ROBO1: variants seen among roughly 807,000 people sequenced by gnomAD.
The protein encoded by ROBO1 is roundabout guidance receptor 1.
ROBO1 carries 149 observed loss-of-function variants against 195.9 expected under a neutral mutation model. The ratio of observed to expected loss-of-function variants is 0.76; its 90% CI spans 0.67 to 0.87. The LOEUF (loss-of-function observed/expected upper bound fraction) is 0.87, where lower values mean the gene tolerates loss of function less well. ROBO1 is among the 40% of genes least tolerant of loss of function. The pLI is 0.00. For missense variants in ROBO1, 1,933 were observed against 2,068.3 expected, an observed-to-expected ratio of 0.93 and a Z score of 1.27; for synonymous variants, 816 against 733.2, an observed-to-expected ratio of 1.11 and a Z score of -1.82.
intron 4 of ROBO1, among the ~76,000 whole-genome samples, chr3:78,827,934 A>C (rs2031781040): frequency 6.6e-6 from 1 of 152,198 alleles, no homozygotes; most frequent in Non-Finnish European, 1.5e-5. Flanking sequence ...TGTTTGATCA[A>C]ATATTTGGTT....
At chr3:79,449,514 A>C (rs1477850792) in intron 2 of ROBO1, among the ~76,000 whole-genome samples, 1 of 152,188 alleles carries the variant, frequency 6.6e-6, no homozygotes, top group Non-Finnish European at 1.5e-5. Context: ...GACCCTGTGT[A>C]CATTTTGAAT....
chr3:78,839,543 A>G (rs1347292383), intron 4 of ROBO1, among the ~76,000 whole-genome samples: 1 of 152,076 alleles, frequency 6.6e-6, no homozygotes, highest in Non-Finnish European at 1.5e-5. Flanking sequence ...TTAGGATAAA[A>G]AAGACAAATA....
intron 3 of ROBO1, among the ~76,000 whole-genome samples, chr3:79,047,224 A>G (rs557198715): frequency 1.3e-5 from 2 of 152,160 alleles, no homozygotes; most frequent in African/African-American, 4.8e-5. Flanking sequence ...ACACTATTGC[A>G]GTAAGGTGGA....
chr3:78,642,097 C>T (rs369107713), intron 21 of ROBO1, among the ~76,000 whole-genome samples: 9 of 151,666 alleles, frequency 5.9e-5, no homozygotes, highest in African/African-American at 1.5e-4. Flanking sequence ...CTTATATATT[C>T]GAGCTTAAGA....
intron 3 of ROBO1, among the ~76,000 whole-genome samples, chr3:79,101,228 T>C (rs2079669853): frequency 6.6e-6 from 1 of 151,700 alleles, no homozygotes; most frequent in South Asian, 2.1e-4. Flanking sequence ...CCTAATGATA[T>C]TCATGAGTTA....
intron 1 of ROBO1, among the ~76,000 whole-genome samples, chr3:79,611,424 G>A (rs1393541123): frequency 1.3e-5 from 2 of 151,954 alleles, no homozygotes; most frequent in Admixed American, 6.6e-5. Flanking sequence ...TTTCTTTAAT[G>A]AAAATGGTAT....
At chr3:79,667,467 A>G (rs905893105) in intron 1 of ROBO1, among the ~76,000 whole-genome samples, 2 of 151,840 alleles carry the variant, frequency 1.3e-5, no homozygotes, top group African/African-American at 2.4e-5. Context: ...AATGACCCAT[A>G]CACAGGATTT....
At chr3:79,449,294 A>G (rs1333562612) in intron 2 of ROBO1, among the ~76,000 whole-genome samples, 1 of 151,988 alleles carries the variant, frequency 6.6e-6, no homozygotes, top group Non-Finnish European at 1.5e-5. Flanking sequence ...CCTCAGATAC[A>G]ATAAAATAGC....
In ROBO1 at chr3:78,600,256, C is replaced by A; in HGVS notation, c.4798G>T (p.Asp1600Tyr). The A allele has an allele frequency of 6.2e-7, 1 of 1,613,250 alleles. No individual in the cohort carries two copies. Among genetic ancestry groups the A allele is most frequent in the Non-Finnish European group, 8.5e-7 (1 of 1,179,346 alleles). ...GACATTGAGCTTGAGGAACTGGGATCTCTGGGATTATTTGATGTTGGAAAA... is the reference window on the plus strand; with the variant it reads ...GACATTGAGCTTGAGGAACTGGGATATCTGGGATTATTTGATGTTGGAAAA... Reference protein sequence around the residue: ...PTFPTSNNPRDPSSSSSMSSR... With the variant: ...PTFPTSNNPRYPSSSSSMSSR... Residue 1600 changes from aspartate to tyrosine, a missense_variant, in exon 30 of 31, where the codon GAT becomes TAT. By Grantham distance (160) the Asp-to-Tyr change is radical (BLOSUM62 -3). Coordinates refer to ENST00000464233, the MANE Select transcript of ROBO1 (RefSeq NM_002941.4).
In ROBO1 at chr3:79,746,550, TGTTAGCTCAATTTCTA is replaced by T. The variant is rs1703885008; in HGVS notation, c.-51+21186_-51+21201del. Among the ~76,000 whole-genome samples the T allele has an allele frequency of 2.6e-5, 4 of 152,108 alleles. No individual in the cohort carries two copies. The South Asian group carries it at 8.3e-4, about 32-fold the overall frequency. Reference sequence around the variant, plus strand: ...AATGACCAATTTATAACAACAGTTATGTTAGCTCAATTTCTACCTCACTTTTCCTGTCCTGATATCA... The same window carrying T: ...AATGACCAATTTATAACAACAGTTATCCTCACTTTTCCTGTCCTGATATCA... On this transcript the variant is annotated intron_variant, in intron 1 of 30. Transcript: ENST00000464233.
At chr3:78,988,798 A>G (rs1442135057) in intron 3 of ROBO1, among the ~76,000 whole-genome samples, 1 of 152,200 alleles carries the variant, frequency 6.6e-6, no homozygotes, top group African/African-American at 2.4e-5. Context: ...TAAAGGAAAC[A>G]TATAACAGTT....
intron 15 of ROBO1, among the ~76,000 whole-genome samples, chr3:78,661,586 G>A (rs1210430423): frequency 6.6e-6 from 1 of 152,162 alleles, no homozygotes; most frequent in Non-Finnish European, 1.5e-5. Flanking sequence ...CCTGATGGCA[G>A]CTCTGACATT....
At position 78,723,704 on chromosome 3, in the gene ROBO1, A is replaced by C. The variant is rs79304282; in HGVS notation, c.658-5821T>G. 3.4e-4 allele frequency among the ~76,000 whole-genome samples: 52 copies of C among 152,212 alleles called. No individual in the cohort carries two copies. The East Asian group carries it at 0.01, about 30-fold the overall frequency. On this transcript the variant is annotated intron_variant, in intron 5 of 30. Coordinates refer to ENST00000464233, the MANE Select transcript of ROBO1 (RefSeq NM_002941.4). ...GGGGGCGATGCTACTGGTATCTAAT[A>C]AGTAGAGGCCAGAAATACACATCAA... is the stretch of plus-strand genomic sequence containing the variant.
At chr3:79,038,933 C>A (rs2078431059) in intron 3 of ROBO1, among the ~76,000 whole-genome samples, 1 of 152,160 alleles carries the variant, frequency 6.6e-6, no homozygotes, top group African/African-American at 2.4e-5. Flanking sequence ...TAAACACACA[C>A]AGCAGCCTCC....
At chr3:79,689,988 A>T (rs976700484) in intron 1 of ROBO1, among the ~76,000 whole-genome samples, 3 of 152,030 alleles carry the variant, frequency 2.0e-5, no homozygotes, top group Non-Finnish European at 4.4e-5. Context: ...ATTAATCAAG[A>T]TCCTCCTAAA....
intron 10 of ROBO1, among the ~76,000 whole-genome samples, chr3:78,673,150 A>G (rs1044017200): frequency 2.6e-5 from 4 of 152,042 alleles, no homozygotes; most frequent in East Asian, 1.9e-4. Flanking sequence ...TCTGCTACTT[A>G]TCATTGTAAG....
chr3:78,937,792 T>C (rs991036252), intron 4 of ROBO1, among the ~76,000 whole-genome samples: 5 of 151,972 alleles, frequency 3.3e-5, no homozygotes, highest in Non-Finnish European at 5.9e-5. Flanking sequence ...GCCAAGAAAA[T>C]AAAATATAAG....
chr3:79,022,916 C>T (rs532348291), intron 3 of ROBO1, among the ~76,000 whole-genome samples: 11 of 152,216 alleles, frequency 7.2e-5, no homozygotes, highest in East Asian at 1.9e-4. Flanking sequence ...TGATCTCTTG[C>T]GTTGCTCCAA....
chr3:79,277,705 GTATATC>G (rs1474280262), intron 2 of ROBO1, among the ~76,000 whole-genome samples: 4 of 151,628 alleles, frequency 2.6e-5, no homozygotes, highest in African/African-American at 9.7e-5. Context: ...ATTATACATT[GTATATC>G]TATATCAAAA....
Sources: gnomAD v4.1 joint callset for allele counts (sites outside exome capture counted in the v4.1 genomes callset) on GRCh38, gnomAD v4.1.1 for gene constraint, MANE v1.5 for transcripts, NCBI Gene and HGNC (gene_info 2026-07-23, HGNC 2026-07-21) for gene names.